Variants in PTPRD observed in about 807,000 individuals in gnomAD.
The protein encoded by PTPRD is receptor-type tyrosine-protein phosphatase delta.
A neutral mutation model predicts 214.5 loss-of-function variants in PTPRD; 34 were observed. That is an observed-to-expected ratio of 0.16 (90% CI 0.12 to 0.21). The LOEUF (loss-of-function observed/expected upper bound fraction) is 0.21. Ranked by LOEUF, PTPRD falls within the 10% of genes least tolerant of loss-of-function variation. The pLI, the probability that PTPRD is intolerant of heterozygous loss-of-function variation, is 1.00. For synonymous variants in PTPRD, 1,128 were observed against 845.7 expected (o/e 1.33, Z -5.79); for missense variants, 2,545 against 2,398.7 (o/e 1.06, Z -1.27).
At chr9:8,603,317 G>T (rs149077930) in intron 14 of PTPRD, among the ~76,000 whole-genome samples, 1 of 152,078 alleles carries the variant, frequency 6.6e-6, no homozygotes, top group East Asian at 1.9e-4. Flanking sequence ...AATTGCAAAA[G>T]AAAAAAATCT....
intron 11 of PTPRD, among the ~76,000 whole-genome samples, chr9:8,898,028 G>T (rs1286863365): frequency 2.0e-5 from 3 of 152,008 alleles, no homozygotes; most frequent in Admixed American, 6.6e-5. Flanking sequence ...GCTGAAATAT[G>T]GTCACCATTA....
chr9:8,919,566 G>A (rs777532768), intron 11 of PTPRD, among the ~76,000 whole-genome samples: 2 of 152,090 alleles, frequency 1.3e-5, no homozygotes, highest in Non-Finnish European at 2.9e-5. Flanking sequence ...GGCATTGTGT[G>A]CACTGAGAAT....
intron 36 of PTPRD, among the ~76,000 whole-genome samples, chr9:8,401,760 T>C (rs543863080): frequency 6.6e-6 from 1 of 152,340 alleles, no homozygotes; most frequent in East Asian, 1.9e-4. Context: ...TTCCAGTTTT[T>C]GTTGTTCTAA....
At chr9:8,344,902 C>T (rs1289909714) in intron 39 of PTPRD, among the ~76,000 whole-genome samples, 1 of 63,326 alleles carries the variant, frequency 1.6e-5, no homozygotes, top group African/African-American at 3.3e-5. Context: ...TTAAAAATAC[C>T]AAGTGTTTTG....
chr9:9,952,157 C>T (rs1316062492), intron 4 of PTPRD, among the ~76,000 whole-genome samples: 1 of 152,084 alleles, frequency 6.6e-6, no homozygotes, highest in Non-Finnish European at 1.5e-5. Flanking sequence ...GTCTAGAGGA[C>T]ACAATCCTAA....
intron 8 of PTPRD, among the ~76,000 whole-genome samples, chr9:9,445,321 C>T (rs1482448281): frequency 1.3e-5 from 2 of 152,154 alleles, no homozygotes; most frequent in Non-Finnish European, 2.9e-5. Context: ...GTTATGCATG[C>T]CATTGATGGA....
intron 39 of PTPRD, among the ~76,000 whole-genome samples, chr9:8,362,800 T>TG (rs2078839524): frequency 6.6e-6 from 1 of 152,216 alleles, no homozygotes; most frequent in South Asian, 2.1e-4. Flanking sequence ...ATAACTTCAG[T>TG]CAAGTGAGTG....
intron 10 of PTPRD, among the ~76,000 whole-genome samples, chr9:9,133,129 T>G (rs1168181513): frequency 6.6e-6 from 1 of 152,238 alleles, no homozygotes; most frequent in African/African-American, 2.4e-5. Context: ...TAGTGGTTTC[T>G]GTATTTGGCT....
At chr9:10,157,852 C>G (rs2099103024) in intron 3 of PTPRD, among the ~76,000 whole-genome samples, 1 of 151,774 alleles carries the variant, frequency 6.6e-6, no homozygotes. Context: ...ATTCTTTTTT[C>G]TCTATTCTTC....
intron 3 of PTPRD, among the ~76,000 whole-genome samples, chr9:10,178,506 A>C (rs943034521): frequency 9.9e-5 from 15 of 152,030 alleles, no homozygotes; most frequent in African/African-American, 3.4e-4. Context: ...GTGATAAAAG[A>C]GAAAACTGGA....
chr9:10,467,663 AT>A (rs2099003687), intron 2 of PTPRD, among the ~76,000 whole-genome samples: 1 of 152,088 alleles, frequency 6.6e-6, no homozygotes, highest in African/African-American at 2.4e-5. Context: ...TTCCAAAAAA[AT>A]GGATGATATA....
chr9:8,815,006 C>T (rs536785405), intron 11 of PTPRD, among the ~76,000 whole-genome samples: 1 of 152,118 alleles, frequency 6.6e-6, no homozygotes, highest in Non-Finnish European at 1.5e-5. Flanking sequence ...CTGTTCTCAA[C>T]TATAGCCAAA....
At chr9:9,174,462 C>A (rs1030284708) in intron 10 of PTPRD, among the ~76,000 whole-genome samples, 1 of 152,022 alleles carries the variant, frequency 6.6e-6, no homozygotes, top group African/African-American at 2.4e-5. Flanking sequence ...CAAATATAAC[C>A]TTATAAGTTA....
At chr9:10,278,140 A>T (rs2094837058) in intron 3 of PTPRD, among the ~76,000 whole-genome samples, 1 of 152,168 alleles carries the variant, frequency 6.6e-6, no homozygotes, top group South Asian at 2.1e-4. Context: ...TGGGCGACAG[A>T]GCGAGACTCT....
intron 3 of PTPRD, among the ~76,000 whole-genome samples, chr9:10,202,301 G>GC (rs1461727816): frequency 4.0e-5 from 6 of 151,630 alleles, no homozygotes; most frequent in Non-Finnish European, 5.9e-5. Flanking sequence ...GAAAGCAGGA[G>GC]CCCCCCCACA....
At chr9:8,951,307 C>G (rs908028241) in intron 11 of PTPRD, among the ~76,000 whole-genome samples, 7 of 146,542 alleles carry the variant, frequency 4.8e-5, no homozygotes, top group African/African-American at 1.8e-4. Context: ...AATTATTTCT[C>G]TGCTGGATCC....
At chr9:9,826,974 C>T (rs929132846) in intron 5 of PTPRD, among the ~76,000 whole-genome samples, 1 of 151,992 alleles carries the variant, frequency 6.6e-6, no homozygotes, top group Non-Finnish European at 1.5e-5. Context: ...TCAAGGAGAA[C>T]TACAAATCAC....
Position 8,782,028 on chromosome 9 carries a change from G to A in PTPRD, c.-103-48082C>T, listed in dbSNP as rs1016348853. On this transcript the variant is annotated intron_variant, in intron 11 of 45. Transcript: ENST00000381196. Reference sequence around the variant, plus strand: ...ACTGTATATATATTATGCATATTATGTATGTTTATTATGTATACATAATGT... The same window carrying A: ...ACTGTATATATATTATGCATATTATATATGTTTATTATGTATACATAATGT... Among the ~76,000 whole-genome samples the A allele has an allele frequency of 1.3e-5, 2 of 149,494 alleles. 1 individual carries two copies.
intron 11 of PTPRD, among the ~76,000 whole-genome samples, chr9:8,754,508 G>T (rs954508046): frequency 6.6e-6 from 1 of 152,128 alleles, no homozygotes; most frequent in East Asian, 1.9e-4. Context: ...AATGGAAAAA[G>T]AATCTTTTCA....
Sources: gnomAD v4.1 joint callset for allele counts (sites outside exome capture counted in the v4.1 genomes callset) on GRCh38, gnomAD v4.1.1 for gene constraint, MANE v1.5 for transcripts, NCBI Gene and HGNC (gene_info 2026-07-23, HGNC 2026-07-21) for gene names.